The following STXBP5L variants were observed in gnomAD, a reference collection of about 807,000 sequenced individuals.
STXBP5L encodes syntaxin binding protein 5L, also known as syntaxin-binding protein 5-like.
STXBP5L carries 65 observed loss-of-function variants against 144.5 expected under a neutral mutation model. The ratio of observed to expected loss-of-function variants is 0.45; its 90% confidence interval spans 0.37 to 0.55. The LOEUF is 0.55. Ranked by LOEUF, STXBP5L falls within the 20% of genes least tolerant of loss-of-function variation. The pLI is 0.00. For synonymous variants in STXBP5L, 505 were observed against 469.6 expected, an observed-to-expected ratio of 1.08 and a Z score of -0.97; for missense variants, 1,298 against 1,405.5, an observed-to-expected ratio of 0.92 and a Z score of 1.22.
chr3:121,045,318 T>G (rs1947438157), intron 4 of STXBP5L, 117 bp from the exon 5 acceptor site: 3 of 881,306 alleles, frequency 3.4e-6, no homozygotes, highest in Non-Finnish European at 5.1e-6. Context: ...CTTATATTTC[T>G]GAGATAACAA....
chr3:121,258,207 T>C (rs2050271535), intron 17 of STXBP5L, among the ~76,000 whole-genome samples: 2 of 152,240 alleles, frequency 1.3e-5, no homozygotes, highest in African/African-American at 2.4e-5. Context: ...TACTACTTAC[T>C]GCTTCTATAC....
intron 20 of STXBP5L, among the ~76,000 whole-genome samples, chr3:121,350,260 T>C (rs1471264795): frequency 6.6e-6 from 1 of 152,178 alleles, no homozygotes; most frequent in East Asian, 1.9e-4. Context: ...TGAAAATTCT[T>C]TCCTTTAAGA....
intron 7 of STXBP5L, among the ~76,000 whole-genome samples, chr3:121,124,518 G>C (rs531996979): frequency 2.0e-5 from 3 of 151,860 alleles, no homozygotes; most frequent in African/African-American, 7.2e-5. Flanking sequence ...AGCTCAATTC[G>C]ATAAGTACCT....
intron 5 of STXBP5L, among the ~76,000 whole-genome samples, chr3:121,095,120 T>C (rs2043045411): frequency 6.6e-6 from 1 of 152,216 alleles, no homozygotes; most frequent in Non-Finnish European, 1.5e-5. Context: ...TGGCCCCCAG[T>C]GTCTTCTGGC....
intron 7 of STXBP5L, among the ~76,000 whole-genome samples, chr3:121,126,138 TG>T (rs1410994543): frequency 6.6e-6 from 1 of 152,176 alleles, no homozygotes; most frequent in Non-Finnish European, 1.5e-5. Context: ...AAGCTTTTTT[TG>T]TACACACTTC....
At chr3:121,140,833 A>C (rs989999407) in intron 7 of STXBP5L, among the ~76,000 whole-genome samples, 9 of 152,204 alleles carry the variant, frequency 5.9e-5, no homozygotes, top group African/African-American at 2.2e-4. Context: ...AATGTATTAC[A>C]AGGTGATTAT....
chr3:120,909,908 C>G (rs1007314959), intron 2 of STXBP5L, 141 bp downstream of exon 2: 3 of 849,612 alleles, frequency 3.5e-6, no homozygotes, highest in African/African-American at 3.6e-5. Context: ...GTGGGTAGAT[C>G]AGTTTGGCTT....
chr3:121,180,796 C>A (rs143160344), intron 9 of STXBP5L, among the ~76,000 whole-genome samples: 1 of 152,190 alleles, frequency 6.6e-6, no homozygotes, highest in East Asian at 1.9e-4. Flanking sequence ...ATCACTTGAA[C>A]CTAGGAGGTG....
intron 19 of STXBP5L, among the ~76,000 whole-genome samples, chr3:121,313,084 G>T (rs1226389213): frequency 6.8e-6 from 1 of 147,080 alleles, no homozygotes; most frequent in Non-Finnish European, 1.5e-5. Flanking sequence ...CTGGCCGGGC[G>T]GGGGGCTGAC....
intron 20 of STXBP5L, among the ~76,000 whole-genome samples, chr3:121,348,338 G>A (rs111462914): frequency 0.018 from 2,685 of 152,224 alleles, 86 homozygotes; most frequent in African/African-American, 0.061. Flanking sequence ...GGGTTTTGAT[G>A]TGCTGCTGGA....
chr3:121,345,153 T>C (rs1403803595), intron 20 of STXBP5L, among the ~76,000 whole-genome samples: 2 of 151,982 alleles, frequency 1.3e-5, no homozygotes, highest in Non-Finnish European at 2.9e-5. Flanking sequence ...ATGCTATCCC[T>C]CCCGCAGCCC....
chr3:121,017,566 A>T (rs1475828853), intron 3 of STXBP5L, among the ~76,000 whole-genome samples: 1 of 152,246 alleles, frequency 6.6e-6, no homozygotes, highest in Non-Finnish European at 1.5e-5. Context: ...CACTTCTGGA[A>T]CTAACAAGTG....
intron 9 of STXBP5L, among the ~76,000 whole-genome samples, chr3:121,191,556 G>GAGGGAGAGGGAT (rs2047684602): frequency 5.3e-5 from 8 of 152,070 alleles, no homozygotes; most frequent in Admixed American, 5.2e-4. Flanking sequence ...GGGAGAGGGA[G>GAGGGAGAGGGAT]AGGGATAGGG....
Position 121,012,389 on chromosome 3 carries a change from T to C in STXBP5L, c.288-29311T>C, listed in dbSNP as rs543231621. 6.6e-5 allele frequency among the ~76,000 whole-genome samples: 10 copies of C among 151,964 alleles called. No individual in the cohort carries two copies. In the East Asian group the frequency reaches 1.5e-3, roughly 23 times the overall value. ...GTTTTACATTATGAGGAGCTGCTAT[T>C]ATTGAATTCCAAAAAGGTTGCATGG... On this transcript the variant is annotated intron_variant, in intron 3 of 26. Coordinates refer to ENST00000471454, the MANE Select transcript of STXBP5L (RefSeq NM_001308330.2).
chr3:120,992,378 A>T lies in STXBP5L; in HGVS notation c.287+37341A>T, dbSNP rs562521730. Among the ~76,000 whole-genome samples the T allele has an allele frequency of 9.2e-5, 14 of 152,190 alleles. No individual in the cohort carries two copies. The South Asian group carries it at 2.9e-3, about 32-fold the overall frequency. On this transcript the variant is annotated intron_variant, in intron 3 of 26. Coordinates refer to ENST00000471454, the MANE Select transcript of STXBP5L (RefSeq NM_001308330.2). Reference sequence around the variant, plus strand: ...TTAATTATAATCACCCTACTCTGCTATTGAACATTAGACCTCATTCCTTCT... The same window carrying T: ...TTAATTATAATCACCCTACTCTGCTTTTGAACATTAGACCTCATTCCTTCT...
intron 20 of STXBP5L, among the ~76,000 whole-genome samples, chr3:121,326,182 G>T (rs1481698945): frequency 6.6e-6 from 1 of 151,958 alleles, no homozygotes; most frequent in African/African-American, 2.4e-5. Flanking sequence ...TGAAGGTAGT[G>T]TCACAACATT....
chr3:121,383,068 G>A (rs987723866), intron 22 of STXBP5L, among the ~76,000 whole-genome samples: 1 of 151,988 alleles, frequency 6.6e-6, no homozygotes, highest in Admixed American at 6.6e-5. Flanking sequence ...GACTACTTGA[G>A]GCCAGGAATC....
At chr3:121,299,301 T>G (rs182934266) in intron 19 of STXBP5L, among the ~76,000 whole-genome samples, 1 of 152,100 alleles carries the variant, frequency 6.6e-6, no homozygotes, top group Non-Finnish European at 1.5e-5. Context: ...CCTTGAGGAG[T>G]TTCATATTCA....
intron 20 of STXBP5L, among the ~76,000 whole-genome samples, chr3:121,325,213 G>C (rs2044106224): frequency 6.6e-6 from 1 of 151,980 alleles, no homozygotes. Context: ...ACTGTGGCCA[G>C]TTTTACAACT....
Sources: allele counts gnomAD v4.1 joint callset (sites outside exome capture counted in the v4.1 genomes callset), GRCh38; gene constraint gnomAD v4.1.1; transcripts MANE v1.5; gene names NCBI Gene and HGNC (gene_info 2026-07-23, HGNC 2026-07-21).